SNTG2: variants seen among roughly 807,000 people sequenced by gnomAD.
SNTG2 encodes the protein syntrophin gamma 2, also known as gamma-2-syntrophin.
A neutral mutation model predicts 70.9 loss-of-function variants in SNTG2; 74 were observed. The observed-to-expected ratio is 1.04, with a 90% CI of 0.86 to 1.27. SNTG2 has a LOEUF of 1.27. Ranked by LOEUF, SNTG2 falls within the 50% of genes most tolerant of loss-of-function variation. SNTG2 has a pLI of 0.00. For missense variants in SNTG2, 717 were observed against 690.7 expected (o/e 1.04, Z -0.43); for synonymous variants, 278 against 273.8 (o/e 1.02, Z -0.15).
In SNTG2 at chr2:1,279,115, G is replaced by A. The variant is rs549149991; in HGVS notation, c.1284+11544G>A. 6.7e-5 allele frequency among the ~76,000 whole-genome samples: 10 copies of A among 150,118 alleles called. No individual in the cohort carries two copies. In the East Asian group the frequency reaches 2.0e-3, roughly 30 times the overall value. Reference sequence around the variant, plus strand: ...GTGCGCGAATCACCCCTGTCAGCGCGCGAATCACCCGTCAGTGCGCGAATC... The same window carrying A: ...GTGCGCGAATCACCCCTGTCAGCGCACGAATCACCCGTCAGTGCGCGAATC... On this transcript the variant is annotated intron_variant, in intron 14 of 16. Transcript: ENST00000308624.
intron 16 of SNTG2, among the ~76,000 whole-genome samples, chr2:1,332,061 G>T (rs1659560231): frequency 1.3e-5 from 2 of 152,208 alleles, no homozygotes; most frequent in Non-Finnish European, 2.9e-5. Context: ...TCATCTCCAG[G>T]CCTTTGTTGG....
At chr2:1,312,553 G>T (rs775294610) in intron 15 of SNTG2, among the ~76,000 whole-genome samples, 3 of 152,242 alleles carry the variant, frequency 2.0e-5, no homozygotes, top group Non-Finnish European at 4.4e-5. Context: ...CCAGGATGGA[G>T]CCTGGCCATA....
intron 1 of SNTG2, among the ~76,000 whole-genome samples, chr2:1,007,564 C>A (rs1228684429): frequency 1.3e-5 from 2 of 152,156 alleles, no homozygotes; most frequent in Non-Finnish European, 2.9e-5. Context: ...GCATAGTAGA[C>A]AAGGTGAGCA....
chr2:989,508 G>T (rs1023646114), intron 1 of SNTG2, among the ~76,000 whole-genome samples: 1 of 152,154 alleles, frequency 6.6e-6, no homozygotes, highest in South Asian at 2.1e-4. Context: ...GTATCACATT[G>T]ATTTTCAAAT....
intron 4 of SNTG2, among the ~76,000 whole-genome samples, chr2:1,099,533 A>T (rs1665621626): frequency 9.6e-6 from 1 of 104,012 alleles, no homozygotes; most frequent in Non-Finnish European, 1.9e-5. Flanking sequence ...TGCCCTGAAG[A>T]GGCTGGAGGT....
At chr2:1,271,941 G>A (rs998255378) in intron 14 of SNTG2, among the ~76,000 whole-genome samples, 3 of 151,934 alleles carry the variant, frequency 2.0e-5, no homozygotes, top group Non-Finnish European at 2.9e-5. Context: ...TTGGCTTCTC[G>A]TCAAGGGAAC....
chr2:1,155,300 G>A (rs1669815501), intron 6 of SNTG2, among the ~76,000 whole-genome samples: 1 of 148,332 alleles, frequency 6.7e-6, no homozygotes, highest in Admixed American at 6.7e-5. Context: ...ATACCCACAT[G>A]TACACACACA....
intron 16 of SNTG2, among the ~76,000 whole-genome samples, chr2:1,365,189 G>A (rs990609214): frequency 6.6e-6 from 1 of 152,024 alleles, no homozygotes; most frequent in Non-Finnish European, 1.5e-5. Flanking sequence ...TTGAATTAAA[G>A]TTTAACACAA....
At position 1,300,268 on chromosome 2, in the gene SNTG2, G is replaced by A. The variant is rs534287186; in HGVS notation, c.1285-8226G>A. On this transcript the variant is annotated intron_variant, in intron 14 of 16. Transcript: ENST00000308624. ...AAATGACGGCACTGTTACCATCACC[G>A]CTCTGAAGTGCTGTCGAAAATCCTT... Among the ~76,000 whole-genome samples, 6 of 152,322 alleles carry A rather than the reference G, an allele frequency of 3.9e-5. No individual in the cohort carries two copies. The East Asian group carries it at 5.8e-4, about 15-fold the overall frequency.
intron 13 of SNTG2, among the ~76,000 whole-genome samples, chr2:1,264,828 T>C (rs1678635093): frequency 6.6e-6 from 1 of 152,236 alleles, no homozygotes. Flanking sequence ...CCCAATTAGT[T>C]GTGATTACAG....
At chr2:1,359,122 A>T (rs569296224) in intron 16 of SNTG2, among the ~76,000 whole-genome samples, 73 of 152,292 alleles carry the variant, frequency 4.8e-4, no homozygotes, top group African/African-American at 1.5e-3. Context: ...TGGGACCCAA[A>T]TCTAAACAAA....
At chr2:994,863 AT>A (rs1220580772) in intron 1 of SNTG2, among the ~76,000 whole-genome samples, 1 of 151,118 alleles carries the variant, frequency 6.6e-6, no homozygotes, top group Non-Finnish European at 1.5e-5. Context: ...AGTTTTTAGA[AT>A]GTTAATTGCA....
intron 16 of SNTG2, among the ~76,000 whole-genome samples, chr2:1,362,267 G>C (rs1027911607): frequency 6.7e-6 from 1 of 149,782 alleles, no homozygotes; most frequent in Admixed American, 6.6e-5. Context: ...GAAAGTCACC[G>C]ACGCTAAGCA....
chr2:1,362,906 A>G (rs1333731634), intron 16 of SNTG2, among the ~76,000 whole-genome samples: 1 of 152,176 alleles, frequency 6.6e-6, no homozygotes, highest in East Asian at 1.9e-4. Context: ...TGAGCATTTC[A>G]GTAGAACTTC....
At position 1,156,893 on chromosome 2, in the gene SNTG2, C is replaced by T. The variant is rs28535803; in HGVS notation, c.412-8655C>T. Among the ~76,000 whole-genome samples the T allele has an allele frequency of 1.9e-3, 289 of 152,148 alleles. 1 individual carries two copies. The highest frequency in any genetic ancestry group is 6.7e-3 in the African/African-American group (279 of 41,492). ...ACTCTTGGTGAAACAGAGGTTTCCACGGTGATTGGATGTGTGGCTGAGGAA... is the reference window on the plus strand; with the variant it reads ...ACTCTTGGTGAAACAGAGGTTTCCATGGTGATTGGATGTGTGGCTGAGGAA... On this transcript the variant is annotated intron_variant, in intron 6 of 16. Transcript: ENST00000308624.
intron 16 of SNTG2, among the ~76,000 whole-genome samples, chr2:1,326,791 CAA>C (rs1681781608): frequency 6.6e-6 from 1 of 152,288 alleles, no homozygotes; most frequent in Admixed American, 6.5e-5. Context: ...CTTTGACACA[CAA>C]GATAAAATTT....
intron 2 of SNTG2, among the ~76,000 whole-genome samples, chr2:1,091,231 C>T (rs2148192015): frequency 6.6e-6 from 1 of 152,240 alleles, no homozygotes; most frequent in East Asian, 1.9e-4. Context: ...GGACAGACAC[C>T]CCTGCTCCTC....
chr2:1,238,959 G>A (rs972625914), intron 10 of SNTG2, among the ~76,000 whole-genome samples: 2 of 152,208 alleles, frequency 1.3e-5, no homozygotes, highest in Non-Finnish European at 2.9e-5. Flanking sequence ...AACACTGGGG[G>A]AAGCAGCAAT....
At chr2:959,783 T>G (rs1296949562) in intron 1 of SNTG2, among the ~76,000 whole-genome samples, 1 of 151,440 alleles carries the variant, frequency 6.6e-6, no homozygotes, top group Non-Finnish European at 1.5e-5. Context: ...TCCTATCCCC[T>G]TCTTTGGAGT....
Sources: gnomAD v4.1 joint callset for allele counts (sites outside exome capture counted in the v4.1 genomes callset) on GRCh38, gnomAD v4.1.1 for gene constraint, MANE v1.5 for transcripts, NCBI Gene and HGNC (gene_info 2026-07-23, HGNC 2026-07-21) for gene names.